LRP1B: variants seen among roughly 807,000 people sequenced by gnomAD.
The protein encoded by LRP1B is LDL receptor related protein 1B.
In LRP1B, 217 loss-of-function variants were observed where a neutral mutation model predicts 556.6. That is an observed-to-expected ratio of 0.39 (90% CI 0.35 to 0.44). The LOEUF is 0.44. LRP1B is among the 20% of genes least tolerant of loss of function. LRP1B has a pLI of 1.00. For missense variants in LRP1B, 5,053 were observed against 5,620.8 expected, an observed-to-expected ratio of 0.90 and a Z score of 3.23; for synonymous variants, 2,047 against 1,865.8, an observed-to-expected ratio of 1.10 and a Z score of -2.50.
intron 1 of LRP1B, among the ~76,000 whole-genome samples, chr2:142,123,856 T>C (rs1338255650): frequency 2.0e-5 from 3 of 151,886 alleles, no homozygotes; most frequent in Non-Finnish European, 2.9e-5. Context: ...AACAAATGGA[T>C]CTGTGGTACA....
chr2:141,504,523 G>A (rs912690565), intron 2 of LRP1B, among the ~76,000 whole-genome samples: 48 of 152,084 alleles, frequency 3.2e-4, no homozygotes, highest in African/African-American at 1.1e-3. Context: ...TCCAACCAAG[G>A]AACAAACCTA....
At chr2:141,939,960 A>G (rs1044984952) in intron 1 of LRP1B, among the ~76,000 whole-genome samples, 2 of 152,128 alleles carry the variant, frequency 1.3e-5, no homozygotes, top group African/African-American at 4.8e-5. Context: ...ATGTCACATT[A>G]TATGCAATAT....
At chr2:141,903,377 A>C (rs752991028) in intron 1 of LRP1B, among the ~76,000 whole-genome samples, 1 of 151,940 alleles carries the variant, frequency 6.6e-6, no homozygotes, top group East Asian at 1.9e-4. Context: ...TCTGAGGTCC[A>C]TGTCTAACTA....
Position 140,883,909 on chromosome 2 carries a change from G to T in LRP1B, c.4077C>A (p.Ile1359=), listed in dbSNP as rs377677860. The stretch of plus-strand genomic sequence containing the variant: ...GGGAGCCATCTAGTTTGGCCACTTC[G>T]ATTTGGTCCAGATTGCTGTCTATCC... ...IYWIDSNLDQ[I]EVAKLDGSLR... Residue 1359 remains isoleucine (I), a synonymous_variant, in exon 25 of 91, where the codon ATC becomes ATA. Transcript: ENST00000389484. 5.6e-6 allele frequency: 9 copies of T among 1,613,632 alleles called. No homozygotes were observed. The highest frequency in any genetic ancestry group is 7.6e-6 in the Non-Finnish European group (9 of 1,179,918).
chr2:141,514,593 A>G (rs76689812), intron 2 of LRP1B, among the ~76,000 whole-genome samples: 1,720 of 152,290 alleles, frequency 0.011, 39 homozygotes, highest in African/African-American at 0.039. Context: ...CGGTACATGC[A>G]AGTACAGATG....
intron 2 of LRP1B, among the ~76,000 whole-genome samples, chr2:141,744,327 C>T (rs6741535): frequency 0.12 from 17,756 of 152,060 alleles, 1,578 homozygotes; most frequent in African/African-American, 0.25. Flanking sequence ...TTATATTCCA[C>T]TGTGATCAGA....
At chr2:140,970,636 T>C (rs1214118839) in intron 18 of LRP1B, among the ~76,000 whole-genome samples, 2 of 151,936 alleles carry the variant, frequency 1.3e-5, no homozygotes, top group Non-Finnish European at 2.9e-5. Context: ...AGCTGCAGAC[T>C]GGAGCTGTTC....
At chr2:140,385,183 G>A (rs1359622945) in intron 67 of LRP1B, among the ~76,000 whole-genome samples, 3 of 152,150 alleles carry the variant, frequency 2.0e-5, no homozygotes, top group Non-Finnish European at 2.9e-5. Flanking sequence ...AGATCAAGGC[G>A]GCAGTGAGTC....
At chr2:140,870,186 A>G (rs112356072) in intron 25 of LRP1B, among the ~76,000 whole-genome samples, 3,069 of 152,170 alleles carry the variant, frequency 0.02, 97 homozygotes, top group African/African-American at 0.069. Flanking sequence ...CTTTTCATCT[A>G]TTGTTCTGAA....
chr2:140,375,750 A>C (rs374919849), intron 68 of LRP1B, among the ~76,000 whole-genome samples: 11 of 152,226 alleles, frequency 7.2e-5, no homozygotes, highest in African/African-American at 2.6e-4. Context: ...TGTTCTTACA[A>C]CATATTACGC....
intron 2 of LRP1B, among the ~76,000 whole-genome samples, chr2:141,640,912 G>C (rs1008183921): frequency 6.6e-6 from 1 of 152,148 alleles, no homozygotes; most frequent in Non-Finnish European, 1.5e-5. Context: ...GCATCAGAAT[G>C]AGAGTGTTTT....
At position 140,855,506 on chromosome 2, in the gene LRP1B, T is replaced by A. The variant is rs868230141; in HGVS notation, c.4580-3723A>T. On this transcript the variant is annotated intron_variant, in intron 27 of 90. Transcript: ENST00000389484. ...CATCTCTACTGGGAAAAAAAAAAAATTTGAATGGCTTCCCACAGTCTACCT... is the reference window on the plus strand; with the variant it reads ...CATCTCTACTGGGAAAAAAAAAAAAATTGAATGGCTTCCCACAGTCTACCT... Among the ~76,000 whole-genome samples, 352 of 40,808 alleles carry A rather than the reference T, an allele frequency of 8.6e-3. 4 individuals carry two copies. Among genetic ancestry groups the A allele is most frequent in the African/African-American group, 0.022 (330 of 14,830 alleles). 26.8% of individuals were successfully genotyped at this position (40,808 alleles called of 152,430 possible).
At chr2:140,812,962 C>A (rs1290378427) in intron 32 of LRP1B, among the ~76,000 whole-genome samples, 1 of 152,020 alleles carries the variant, frequency 6.6e-6, no homozygotes, top group Admixed American at 6.6e-5. Context: ...TTTTATGCAA[C>A]CACTCTTAAC....
At chr2:141,751,156 A>G (rs1694097128) in intron 2 of LRP1B, among the ~76,000 whole-genome samples, 1 of 152,082 alleles carries the variant, frequency 6.6e-6, no homozygotes, top group Non-Finnish European at 1.5e-5. Flanking sequence ...AAGTTAACAA[A>G]TAAAACACAT....
intron 2 of LRP1B, among the ~76,000 whole-genome samples, chr2:141,801,831 A>G (rs1367733942): frequency 6.6e-6 from 1 of 152,132 alleles, no homozygotes; most frequent in African/African-American, 2.4e-5. Flanking sequence ...TTCAAGAAAA[A>G]TTTAAGAAAT....
At chr2:141,419,862 T>G (rs1279065289) in intron 3 of LRP1B, among the ~76,000 whole-genome samples, 1 of 152,174 alleles carries the variant, frequency 6.6e-6, no homozygotes, top group African/African-American at 2.4e-5. Flanking sequence ...TCATTTCATT[T>G]CATTCAGAAA....
chr2:141,220,725 A>C (rs1683002290), intron 6 of LRP1B, among the ~76,000 whole-genome samples: 1 of 151,718 alleles, frequency 6.6e-6, no homozygotes, highest in Admixed American at 6.6e-5. Flanking sequence ...CTCAGTGGAA[A>C]CCCTACAAGC....
chr2:142,100,361 T>C (rs931528823), intron 1 of LRP1B, among the ~76,000 whole-genome samples: 1 of 151,948 alleles, frequency 6.6e-6, no homozygotes, highest in African/African-American at 2.4e-5. Flanking sequence ...CAACATTTTA[T>C]TCCTTGGGGA....
chr2:142,021,990 T>C (rs923230555), intron 1 of LRP1B, among the ~76,000 whole-genome samples: 19 of 152,168 alleles, frequency 1.2e-4, no homozygotes, highest in African/African-American at 4.6e-4. Context: ...GAATTTCTAC[T>C]TCATAAAAAC....
Sources: gnomAD v4.1 joint callset for allele counts (sites outside exome capture counted in the v4.1 genomes callset) on GRCh38, gnomAD v4.1.1 for gene constraint, MANE v1.5 for transcripts, NCBI Gene and HGNC (gene_info 2026-07-23, HGNC 2026-07-21) for gene names.